Variants in SMARCA2 observed in about 807,000 individuals in gnomAD.
The protein encoded by SMARCA2 is SWI/SNF related BAF chromatin remodeling complex subunit ATPase 2, also known as SWI/SNF-related matrix-associated actin-dependent regulator of chromatin subfamily A member 2.
A neutral mutation model predicts 199.8 loss-of-function variants in SMARCA2; 61 were observed. The observed-to-expected ratio is 0.31, with a 90% confidence interval of 0.25 to 0.38. The LOEUF (loss-of-function observed/expected upper bound fraction) is 0.38. Ranked by LOEUF, SMARCA2 falls within the 10% of genes least tolerant of loss-of-function variation. The pLI, the probability that SMARCA2 is intolerant of heterozygous loss-of-function variation, is 1.00. For synonymous variants in SMARCA2, 935 were observed against 732.0 expected, an observed-to-expected ratio of 1.28 and a Z score of -4.48; for missense variants, 1,344 against 2,012.2, an observed-to-expected ratio of 0.67 and a Z score of 6.35.
At chr9:2,030,709 G>C (rs1819026664) in intron 2 of SMARCA2, among the ~76,000 whole-genome samples, 1 of 151,922 alleles carries the variant, frequency 6.6e-6, no homozygotes, top group Non-Finnish European at 1.5e-5. Flanking sequence ...CAAATATCTA[G>C]GCACCTGAGG....
chr9:2,083,200 C>T (rs1196298499), intron 15 of SMARCA2, 147 bp from the exon 16 acceptor site: 2 of 458,104 alleles, frequency 4.4e-6, no homozygotes, highest in African/African-American at 4.0e-5. Flanking sequence ...CCTATTTCCA[C>T]ACCTTTAAAA....
rs544948024 is a variant in SMARCA2 at position 2,032,710 on chromosome 9, A to G, written c.226-242A>G. ...CTTCATTTTCATTGCCTGTTCTGAT[A>G]TTACAAAAAACAAACAAACAAACAA... On this transcript the variant is annotated intron_variant, in intron 2 of 33. Transcript: ENST00000349721. 8.7e-4 allele frequency: 308 copies of G among 354,154 alleles called. 3 individuals are homozygous for G. In the South Asian group the frequency reaches 0.011, roughly 13 times the overall value. The allele number at this position is 354,154 out of a possible 1,614,324, so 21.9% of individuals were successfully genotyped here. A position where few individuals can be genotyped will look rare whatever the true frequency, so the allele number is the denominator to read the frequency against.
rs1823362481 is a variant in SMARCA2, at chr9:2,119,588, T to C, written c.3762+53T>C. On this transcript the variant is annotated intron_variant, in intron 26 of 33. Coordinates refer to ENST00000349721, the MANE Select transcript of SMARCA2 (RefSeq NM_003070.5). The surrounding 1 kb of genome is among the most constrained non-coding windows in gnomAD (Gnocchi z 4.6). ...AATGCTTTATACCTCTGCCCCTTTTTCTGTTAAGCAGAATGTCTGCAGCCT... is the reference window on the plus strand; with the variant it reads ...AATGCTTTATACCTCTGCCCCTTTTCCTGTTAAGCAGAATGTCTGCAGCCT... The C allele has an allele frequency of 1.6e-6, 2 of 1,250,946 alleles. No homozygotes were observed. The highest frequency in any genetic ancestry group is 1.7e-5 in the Admixed American group (1 of 59,132). 77.5% of individuals were successfully genotyped at this position (1,250,946 alleles called of 1,614,324 possible).
chr9:2,146,198 C>T (rs1162465680), intron 27 of SMARCA2, among the ~76,000 whole-genome samples: 1 of 152,132 alleles, frequency 6.6e-6, no homozygotes, highest in Non-Finnish European at 1.5e-5. Flanking sequence ...TGTGTCCTCA[C>T]ATGGTAGAAG....
chr9:2,134,438 T>C (rs1422042469), intron 27 of SMARCA2, among the ~76,000 whole-genome samples: 1 of 152,206 alleles, frequency 6.6e-6, no homozygotes, highest in African/African-American at 2.4e-5. Context: ...CACCAACCTA[T>C]ACTCACTTGG....
intron 2 of SMARCA2, among the ~76,000 whole-genome samples, chr9:2,029,936 A>G (rs1051144579): frequency 6.6e-6 from 1 of 152,248 alleles, no homozygotes; most frequent in Non-Finnish European, 1.5e-5. Context: ...CCTTCACAGG[A>G]GATGCAAAGA....
intron 32 of SMARCA2, among the ~76,000 whole-genome samples, chr9:2,188,375 C>G (rs1434851652): frequency 6.6e-6 from 1 of 151,874 alleles, no homozygotes; most frequent in African/African-American, 2.4e-5. Flanking sequence ...CATTCTTGCC[C>G]TCAACATACA....
intron 27 of SMARCA2, chr9:2,159,946 G>T: frequency 1.3e-6 from 2 of 1,586,626 alleles, no homozygotes; most frequent in Non-Finnish European, 8.6e-7. Context: ...TGAAGATTCA[G>T]TAGAACTACA....
At chr9:2,122,342 T>C (rs895836137) in intron 26 of SMARCA2, among the ~76,000 whole-genome samples, 29 of 152,176 alleles carry the variant, frequency 1.9e-4, no homozygotes, top group African/African-American at 5.3e-4. Flanking sequence ...TTTTTTCTTA[T>C]TAGCTCTCTA....
At chr9:2,046,275 G>A (rs547971824) in intron 4 of SMARCA2, among the ~76,000 whole-genome samples, 1 of 152,250 alleles carries the variant, frequency 6.6e-6, no homozygotes, top group African/African-American at 2.4e-5. Context: ...ATTTAAGTCT[G>A]TACCTAGTAA....
chr9:2,050,930 C>G (rs1159161962), intron 5 of SMARCA2, among the ~76,000 whole-genome samples: 1 of 152,184 alleles, frequency 6.6e-6, no homozygotes, highest in Non-Finnish European at 1.5e-5. Flanking sequence ...TATGAAAAAC[C>G]TGTGTGACCT....
chr9:2,119,212 A>G lies in SMARCA2; in HGVS notation c.3685-246A>G, dbSNP rs151305689. On this transcript the variant is annotated intron_variant, in intron 25 of 33. Coordinates refer to ENST00000349721, the MANE Select transcript of SMARCA2 (RefSeq NM_003070.5). This position sits in a 1 kb window ranked among gnomAD's most constrained non-coding sequence, Gnocchi z 4.6. ...GTTGTAAAAGTAACAGAATCAAGAT[A>G]CACATCCAGGAGAACTCATATTTCT... is the stretch of plus-strand genomic sequence containing the variant. Among the ~76,000 whole-genome samples, 17 of 152,334 alleles carry G rather than the reference A, an allele frequency of 1.1e-4. No individual in the cohort carries two copies. The East Asian group carries it at 3.1e-3, about 28-fold the overall frequency.
rs1487571816 is a variant in SMARCA2, at chr9:2,184,861, T to TCTCTCG, written c.4462-1234_4462-1233insTCTCGC. Among the ~76,000 whole-genome samples, 108 of 151,542 alleles carry TCTCTCG rather than the reference T, an allele frequency of 7.1e-4. 1 individual carries two copies. Among genetic ancestry groups the TCTCTCG allele is most frequent in the Admixed American group, 1.8e-3 (28 of 15,206 alleles). Reference sequence around the variant, plus strand: ...CTGATGGTCCCATCCTCTCTCTCTCTCGCGCGGGTCCTTTGTTCTGTCATA... The same window carrying TCTCTCG: ...CTGATGGTCCCATCCTCTCTCTCTCTCTCTCGCGCGCGGGTCCTTTGTTCTGTCATA... On this transcript the variant is annotated intron_variant, in intron 31 of 33. Transcript: ENST00000349721.
chr9:2,057,394 A>C (rs1459091252), intron 7 of SMARCA2, among the ~76,000 whole-genome samples: 1 of 152,210 alleles, frequency 6.6e-6, no homozygotes, highest in East Asian at 1.9e-4. Context: ...TAATACCATT[A>C]CATTGGGAGT....
At position 2,181,635 on chromosome 9, in the gene SMARCA2, T is replaced by C; in HGVS notation, c.4318T>C (p.Tyr1440His). The C allele has an allele frequency of 6.3e-7, 1 of 1,586,766 alleles. No homozygotes were observed. Among genetic ancestry groups the C allele is most frequent in the Non-Finnish European group, 8.7e-7 (1 of 1,155,216 alleles). Residue 1440 changes from tyrosine (Y) to histidine (H), a missense_variant, in exon 30 of 34, where the codon TAT becomes CAT. Transcript: ENST00000349721. ...TTCAAGGAAAGAATTACCAGAATAC[T>C]ATGAATTAATTAGGAAGCCAGTGGA... is the stretch of plus-strand genomic sequence containing the variant. ...LPSRKELPEYYELIRKPVDFK... is the reference protein window; with the variant it reads ...LPSRKELPEYHELIRKPVDFK...
chr9:2,028,101 G>C (rs924920948), intron 1 of SMARCA2, among the ~76,000 whole-genome samples: 2 of 151,236 alleles, frequency 1.3e-5, no homozygotes, highest in African/African-American at 4.9e-5. Flanking sequence ...CACCTCATCT[G>C]TGGTGAGCTC....
At chr9:2,081,506 G>A (rs1332028268) in intron 14 of SMARCA2, among the ~76,000 whole-genome samples, 2 of 152,160 alleles carry the variant, frequency 1.3e-5, no homozygotes, top group South Asian at 4.1e-4. Context: ...TCTTGGAGTG[G>A]TTGGATTAGA....
chr9:2,159,770 T>C, intron 27 of SMARCA2: 1 of 1,571,554 alleles, frequency 6.4e-7, no homozygotes, highest in Non-Finnish European at 8.6e-7. Context: ...TACTTGTATA[T>C]GAAAACACAG....
rs1366462806 is a variant in SMARCA2, at chr9:2,079,310, C to T, written c.2184+1534C>T. The stretch of plus-strand genomic sequence containing the variant: ...TGACTACCAAACCCTATTTTTATAT[C>T]ACCAATTAACATCCTGTAAGACTAG... On this transcript the variant is annotated intron_variant, in intron 14 of 33. Coordinates refer to ENST00000349721, the MANE Select transcript of SMARCA2 (RefSeq NM_003070.5). Among the ~76,000 whole-genome samples, 11 of 152,288 alleles carry T rather than the reference C, an allele frequency of 7.2e-5. No individual in the cohort carries two copies. The South Asian group carries it at 1.7e-3, about 23-fold the overall frequency.
Sources: gnomAD v4.1 joint callset for allele counts (sites outside exome capture counted in the v4.1 genomes callset) on GRCh38, gnomAD v4.1.1 for gene constraint, Gnocchi (gnomAD v3.1) non-coding constraint, MANE v1.5 for transcripts, NCBI Gene and HGNC (gene_info 2026-07-23, HGNC 2026-07-21) for gene names.